FRAS1: variants seen among roughly 807,000 people sequenced by gnomAD.
The protein encoded by FRAS1 is extracellular matrix organizing protein FRAS1.
A neutral mutation model predicts 435.2 loss-of-function variants in FRAS1; 290 were observed. The ratio of observed to expected loss-of-function variants is 0.67; its 90% CI spans 0.61 to 0.73. The LOEUF (loss-of-function observed/expected upper bound fraction) is 0.73. Ranked by LOEUF, FRAS1 falls within the 30% of genes least tolerant of loss-of-function variation. The pLI is 0.00. For missense variants in FRAS1, 4,860 were observed against 5,001.5 expected (o/e 0.97, Z 0.85); for synonymous variants, 1,800 against 1,851.0 (o/e 0.97, Z 0.71).
intron 13 of FRAS1, 59 bp downstream of exon 13, chr4:78,284,607 G>T (rs1188991422): frequency 6.8e-7 from 1 of 1,480,232 alleles, no homozygotes; most frequent in Admixed American, 2.3e-5. Flanking sequence ...ACTCATCAAA[G>T]GTTGTGATTC....
intron 2 of FRAS1, among the ~76,000 whole-genome samples, chr4:78,118,430 G>A (rs1010306331): frequency 6.6e-6 from 1 of 152,202 alleles, no homozygotes; most frequent in Non-Finnish European, 1.5e-5. Context: ...TGCCCCCAGA[G>A]GTGGAGTCTA....
In FRAS1 at chr4:78,438,554, A is replaced by T. The variant is rs761053330; in HGVS notation, c.5218-16A>T. On this transcript the variant is annotated splice_polypyrimidine_tract_variant and intron_variant, in intron 38 of 73. Transcript: ENST00000512123. Reference sequence around the variant, plus strand: ...CAAATGTGCGTTCATGTCCTGCCTCATGTTTGCCTCATTAGGATGATTCTT... The same window carrying T: ...CAAATGTGCGTTCATGTCCTGCCTCTTGTTTGCCTCATTAGGATGATTCTT... The T allele has an allele frequency of 6.2e-7, 1 of 1,613,654 alleles. No individual in the cohort carries two copies.
intron 2 of FRAS1, among the ~76,000 whole-genome samples, chr4:78,084,768 G>T (rs1741063892): frequency 1.3e-5 from 2 of 152,050 alleles, no homozygotes; most frequent in African/African-American, 2.4e-5. Flanking sequence ...ATGGTATTTG[G>T]AGACCAAAAT....
In FRAS1 at chr4:78,105,550, C is replaced by G. The variant is rs561798392; in HGVS notation, c.108+39534C>G. On this transcript the variant is annotated intron_variant, in intron 2 of 73. Transcript: ENST00000512123. ...GGAGACTCCTTGGTACTTATAAAGA[C>G]CGATACGAATTCTCTTTTGCATGTG... is the stretch of plus-strand genomic sequence containing the variant. 1.2e-3 allele frequency among the ~76,000 whole-genome samples: 186 copies of G among 152,146 alleles called. 1 individual carries two copies. Among genetic ancestry groups the G allele is most frequent in the Non-Finnish European group, 2.4e-3 (160 of 68,014 alleles).
intron 2 of FRAS1, among the ~76,000 whole-genome samples, chr4:78,133,852 G>C (rs1719797929): frequency 6.6e-6 from 1 of 152,012 alleles, no homozygotes. Flanking sequence ...GCTTTGAAAG[G>C]ATCTTTTGGG....
chr4:78,496,774 A>T, intron 59 of FRAS1, 31 bp from the exon 60 acceptor site: 1 of 1,572,728 alleles, frequency 6.4e-7, no homozygotes. Context: ...CTTGCTGAAA[A>T]TTTTAATCTG....
chr4:78,149,231 G>A (rs1164079566), intron 2 of FRAS1, among the ~76,000 whole-genome samples: 1 of 152,190 alleles, frequency 6.6e-6, no homozygotes, highest in Non-Finnish European at 1.5e-5. Context: ...CCCAGGGCCT[G>A]AGCATTCTTG....
At chr4:78,099,939 G>A (rs1215115463) in intron 2 of FRAS1, among the ~76,000 whole-genome samples, 2 of 152,142 alleles carry the variant, frequency 1.3e-5, no homozygotes. Flanking sequence ...AATTTTTTCT[G>A]GAGGCCACAG....
chr4:78,506,431 G>A (rs549856451), intron 61 of FRAS1, among the ~76,000 whole-genome samples: 1 of 152,310 alleles, frequency 6.6e-6, no homozygotes, highest in Admixed American at 6.5e-5. Context: ...CAGCCGCTTT[G>A]TTTACCTACT....
Position 78,479,420 on chromosome 4 carries a change from G to T in FRAS1, c.8145G>T (p.Lys2715Asn). 1 of 1,560,720 alleles carries T rather than the reference G, an allele frequency of 6.4e-7. No individual in the cohort carries two copies. The highest frequency in any genetic ancestry group is 8.7e-7 in the Non-Finnish European group (1 of 1,149,598). ...CTGCAATTTGCTACACAGTCCCTAA[G>T]TCAGCTATGGGAAGTAGCCTCTATG... ...IVSAICYTVP[K>N]SAMGSSLYAL... Residue 2715 changes from lysine to asparagine, a missense_variant, in exon 56 of 74, where the codon AAG (lysine) becomes AAT (asparagine). Transcript: ENST00000512123.
chr4:78,293,729 GC>G (rs766892254), intron 14 of FRAS1, among the ~76,000 whole-genome samples: 12 of 152,150 alleles, frequency 7.9e-5, no homozygotes, highest in Non-Finnish European at 1.3e-4. Context: ...GTGTTCCAAG[GC>G]CCCTCTCTCT....
chr4:78,128,457 A>C (rs1334100090), intron 2 of FRAS1, among the ~76,000 whole-genome samples: 1 of 152,170 alleles, frequency 6.6e-6, no homozygotes, highest in Non-Finnish European at 1.5e-5. Flanking sequence ...AACTGGTGTG[A>C]GATGGTATCT....
At chr4:78,458,233 A>G (rs1216765427) in intron 47 of FRAS1, among the ~76,000 whole-genome samples, 1 of 152,118 alleles carries the variant, frequency 6.6e-6, no homozygotes, top group Admixed American at 6.6e-5. Flanking sequence ...CTAGTTTTCT[A>G]TCGTTGTGGA....
At position 78,270,315 on chromosome 4, in the gene FRAS1, A is replaced by G. The variant is rs115201587; in HGVS notation, c.981+2883A>G. ...CTGTTGCACAGGCCTTACTGTTTCT[A>G]TACCTTCCCTACCTAATCATACCTA... On this transcript the variant is annotated intron_variant, in intron 9 of 73. Transcript: ENST00000512123. 1.7e-3 allele frequency among the ~76,000 whole-genome samples: 266 copies of G among 152,242 alleles called. 3 individuals carry two copies. Among genetic ancestry groups the G allele is most frequent in the African/African-American group, 5.7e-3 (238 of 41,536 alleles).
chr4:78,411,810 C>T (rs1578307289), intron 31 of FRAS1, among the ~76,000 whole-genome samples: 1 of 152,258 alleles, frequency 6.6e-6, no homozygotes, highest in South Asian at 2.1e-4. Context: ...TTTCTAATTT[C>T]CTAAAGCTAC....
At position 78,503,196 on chromosome 4, in the gene FRAS1, C is replaced by A. The variant is rs193296866; in HGVS notation, c.9316+3275C>A. The stretch of plus-strand genomic sequence containing the variant: ...AATCTCTTTTCTTGTTGTGTCTCTG[C>A]CAGGCTTTGGCATCAGGATGATTCC... On this transcript the variant is annotated intron_variant, in intron 61 of 73. Coordinates refer to ENST00000512123, the MANE Select transcript of FRAS1 (RefSeq NM_025074.7). Among the ~76,000 whole-genome samples the A allele has an allele frequency of 1.1e-3, 169 of 152,262 alleles. 1 individual carries two copies. Among genetic ancestry groups the A allele is most frequent in the African/African-American group, 3.8e-3 (159 of 41,544 alleles).
At chr4:78,495,128 G>A (rs1720475261) in intron 59 of FRAS1, among the ~76,000 whole-genome samples, 1 of 151,866 alleles carries the variant, frequency 6.6e-6, no homozygotes, top group South Asian at 2.1e-4. Context: ...AAGCATATAA[G>A]CTTATTTTTA....
intron 14 of FRAS1, among the ~76,000 whole-genome samples, chr4:78,300,697 T>C (rs345502): frequency 0.6 from 90,509 of 151,908 alleles, 28,129 homozygotes; most frequent in Non-Finnish European, 0.69. Context: ...AAAATCCTAA[T>C]TTCTTTCCTT....
intron 6 of FRAS1, among the ~76,000 whole-genome samples, chr4:78,256,070 G>T (rs1380826908): frequency 1.3e-5 from 2 of 152,076 alleles, no homozygotes; most frequent in Non-Finnish European, 2.9e-5. Flanking sequence ...CTCATTTTTT[G>T]ATCTAAGGAA....
Sources: allele counts gnomAD v4.1 joint callset (sites outside exome capture counted in the v4.1 genomes callset), GRCh38; gene constraint gnomAD v4.1.1; transcripts MANE v1.5; gene names NCBI Gene and HGNC (gene_info 2026-07-23, HGNC 2026-07-21).